Variants in EML1 observed in about 807,000 individuals in gnomAD.
EML1 encodes the protein EMAP like 1.
Under a neutral mutation model 110.4 loss-of-function variants are expected in EML1, and 27 were observed. The observed-to-expected ratio is 0.24, with a 90% CI of 0.18 to 0.34. The LOEUF (loss-of-function observed/expected upper bound fraction) is 0.34. EML1 is among the 10% of genes least tolerant of loss of function. The pLI, the probability that EML1 is intolerant of heterozygous loss-of-function variation, is 1.00. For synonymous variants in EML1, 344 were observed against 385.8 expected (o/e 0.89, Z 1.27); for missense variants, 741 against 1,030.9 (o/e 0.72, Z 3.85).
At chr14:99,895,152 A>C (rs768215277) in intron 6 of EML1, among the ~76,000 whole-genome samples, 3 of 152,134 alleles carry the variant, frequency 2.0e-5, no homozygotes, top group Non-Finnish European at 4.4e-5. Flanking sequence ...TCTTTCCAAA[A>C]GAATGACAAT....
At chr14:99,850,239 A>G in intron 1 of EML1, 1 of 1,253,104 alleles carries the variant, frequency 8.0e-7, no homozygotes, top group Non-Finnish European at 1.0e-6. Flanking sequence ...ACAGTAAGTG[A>G]AGGGAAGAAT....
At chr14:99,756,461 C>T (rs1446727211) in intron 1 of EML1, among the ~76,000 whole-genome samples, 1 of 152,220 alleles carries the variant, frequency 6.6e-6, no homozygotes, top group Non-Finnish European at 1.5e-5. Flanking sequence ...TCTGGGGTTC[C>T]CACAGTGAAT....
At chr14:99,791,180 C>T (rs574676542), upstream of EML1, among the ~76,000 whole-genome samples, 19 of 152,278 alleles carry the variant, frequency 1.2e-4, no homozygotes, top group South Asian at 1.9e-3. Context: ...AGTGTTCTAA[C>T]GTGCATGTAC....
At chr14:99,769,868 T>G (rs2057404697), upstream of EML1, among the ~76,000 whole-genome samples, 2 of 152,208 alleles carry the variant, frequency 1.3e-5, no homozygotes, top group South Asian at 4.1e-4. Context: ...CTCCTTTTCT[T>G]GGGAATAGAA....
chr14:99,826,976 T>C (rs2058371339), intron 1 of EML1, among the ~76,000 whole-genome samples: 1 of 152,158 alleles, frequency 6.6e-6, no homozygotes, highest in Non-Finnish European at 1.5e-5. Flanking sequence ...AACTCATCCA[T>C]TAATTTTTTT....
At chr14:99,912,309 C>G (rs979503914) in intron 13 of EML1, among the ~76,000 whole-genome samples, 1 of 152,138 alleles carries the variant, frequency 6.6e-6, no homozygotes, top group African/African-American at 2.4e-5. Flanking sequence ...AGGGCTGTGA[C>G]TCCTTTTGAT....
At chr14:99,769,914 C>T (rs1404087355), upstream of EML1, among the ~76,000 whole-genome samples, 2 of 152,166 alleles carry the variant, frequency 1.3e-5, no homozygotes, top group Non-Finnish European at 2.9e-5. Flanking sequence ...CCCAGTTCAC[C>T]CCTCCAACCA....
rs116345220 is a variant in EML1, at chr14:99,799,188, A to G, written c.67+5645A>G. ...TGCCCAGTCAAATTTTGAAATCACT[A>G]TAATAATCCTTTGAGCGACTGAAGT... On this transcript the variant is annotated intron_variant, in intron 1 of 21. Coordinates refer to ENST00000262233, the MANE Select transcript of EML1 (RefSeq NM_004434.3). Among the ~76,000 whole-genome samples, 1,362 of 152,312 alleles carry G rather than the reference A, an allele frequency of 8.9e-3. 24 individuals are homozygous for G. Among genetic ancestry groups the G allele is most frequent in the African/African-American group, 0.031 (1,273 of 41,568 alleles).
intron 1 of EML1, among the ~76,000 whole-genome samples, chr14:99,799,240 T>G (rs1273336788): frequency 6.6e-6 from 1 of 152,242 alleles, no homozygotes; most frequent in Non-Finnish European, 1.5e-5. Flanking sequence ...TGCAATGGAA[T>G]GTTGTTTTAA....
rs146483049 is a variant in EML1 at position 99,880,494 on chromosome 14, C to T, written c.518+1875C>T. ...GAGTCTTGCTGAGAAATGCCACCCT[C>T]GAGGATGGGACACAGGGAAGGAAAG... On this transcript the variant is annotated intron_variant, in intron 4 of 21. Coordinates refer to ENST00000262233, the MANE Select transcript of EML1 (RefSeq NM_004434.3). 1.8e-4 allele frequency among the ~76,000 whole-genome samples: 28 copies of T among 152,234 alleles called. No individual in the cohort carries two copies. The East Asian group carries it at 4.8e-3, about 26-fold the overall frequency.
intron 1 of EML1, among the ~76,000 whole-genome samples, chr14:99,756,422 G>A (rs2140180899): frequency 6.6e-6 from 1 of 152,350 alleles, no homozygotes; most frequent in African/African-American, 2.4e-5. Flanking sequence ...CTGGCTCAAG[G>A]CCCAGGCAAA....
chr14:99,755,858 G>T (rs563246544), intron 1 of EML1, among the ~76,000 whole-genome samples: 1 of 152,140 alleles, frequency 6.6e-6, no homozygotes, highest in Non-Finnish European at 1.5e-5. Flanking sequence ...GGGGGCAGGA[G>T]CCTGGCCCTG....
At chr14:99,746,395 G>T (rs1037170899) in intron 1 of EML1, among the ~76,000 whole-genome samples, 4 of 152,186 alleles carry the variant, frequency 2.6e-5, no homozygotes, top group African/African-American at 9.7e-5. Flanking sequence ...GTCTCAGGGG[G>T]CACCTATGTT....
chr14:99,837,757 C>A (rs1314051779), intron 1 of EML1, among the ~76,000 whole-genome samples: 1 of 152,126 alleles, frequency 6.6e-6, no homozygotes, highest in Non-Finnish European at 1.5e-5. Context: ...GCTTTGGCCC[C>A]ATTGGTGATT....
At chr14:99,907,613 T>G (rs760496592) in intron 9 of EML1, 25 bp from the exon 10 acceptor site, 2 of 1,602,822 alleles carry the variant, frequency 1.2e-6, no homozygotes, top group African/African-American at 2.7e-5. Context: ...AGATATAGTC[T>G]TCCTGTGAAT....
chr14:99,818,312 G>A (rs554773914), intron 1 of EML1, among the ~76,000 whole-genome samples: 46 of 152,268 alleles, frequency 3.0e-4, no homozygotes, highest in African/African-American at 1.1e-3. Context: ...GGTTGTTGCC[G>A]GAGTCCAGAA....
chr14:99,743,486 C>T (rs1269446878), intron 1 of EML1, among the ~76,000 whole-genome samples: 4 of 152,172 alleles, frequency 2.6e-5, no homozygotes, highest in African/African-American at 9.7e-5. Context: ...CTGGATCCTT[C>T]AGTACTGTGC....
chr14:99,901,816 A>G (rs1215262825), intron 9 of EML1, among the ~76,000 whole-genome samples: 1 of 152,146 alleles, frequency 6.6e-6, no homozygotes, highest in Non-Finnish European at 1.5e-5. Context: ...GCCAACCTCC[A>G]TCTCATTCTG....
intron 15 of EML1, 94 bp from the exon 16 acceptor site, chr14:99,917,688 T>C: frequency 8.3e-7 from 1 of 1,198,724 alleles, no homozygotes; most frequent in Non-Finnish European, 1.2e-6. Context: ...ATTAGAAGTG[T>C]GAGCGTTTGT....
Sources: gnomAD v4.1 joint callset for allele counts (sites outside exome capture counted in the v4.1 genomes callset) on GRCh38, gnomAD v4.1.1 for gene constraint, MANE v1.5 for transcripts, NCBI Gene and HGNC (gene_info 2026-07-23, HGNC 2026-07-21) for gene names.